The following CTPS2 variants were observed in gnomAD, a reference collection of about 807,000 sequenced individuals.
The protein encoded by CTPS2 is CTP synthase II.
CTPS2 carries 19 observed loss-of-function variants against 46.8 expected under a neutral mutation model. The observed-to-expected ratio is 0.41, with a 90% CI of 0.28 to 0.60. CTPS2 has a LOEUF of 0.60. Ranked by LOEUF, CTPS2 falls within the 20% of genes least tolerant of loss-of-function variation. CTPS2 has a pLI of 0.35. For synonymous variants in CTPS2, 151 were observed against 165.2 expected (o/e 0.91, Z 0.66); for missense variants, 286 against 447.6 (o/e 0.64, Z 3.26).
intron 14 of CTPS2, among the ~76,000 whole-genome samples, chrX:16,631,345 C>T (rs1440448871): frequency 2.9e-5 from 3 of 105,061 alleles, no homozygotes; most frequent in African/African-American, 1.0e-4. Context: ...AAGACTCTGT[C>T]TCAAAAAAAA....
intron 17 of CTPS2, among the ~76,000 whole-genome samples, chrX:16,599,010 C>G (rs777313197): frequency 2.1e-3 from 239 of 111,869 alleles, no homozygotes; most frequent in African/African-American, 7.4e-3. Context: ...ATTCAACAAC[C>G]CTTCATGCTA....
intron 13 of CTPS2, 116 bp from the exon 14 acceptor site, chrX:16,639,359 A>G (rs1179033268): frequency 3.6e-6 from 2 of 563,057 alleles, no homozygotes; most frequent in Non-Finnish European, 3.1e-6. Context: ...AAACTATAAC[A>G]TTTGATCAGT....
At chrX:16,665,001 G>C (rs1040307158) in intron 13 of CTPS2, among the ~76,000 whole-genome samples, 7 of 112,294 alleles carry the variant, frequency 6.2e-5, no homozygotes, top group African/African-American at 2.3e-4. Flanking sequence ...CCTTTCTCCA[G>C]AGAAGACATA....
chrX:16,702,015 G>C (rs887000913), intron 2 of CTPS2, among the ~76,000 whole-genome samples: 3 of 111,049 alleles, frequency 2.7e-5, no homozygotes, highest in African/African-American at 9.8e-5. Flanking sequence ...TATATAAAAA[G>C]GTTTTTTTGG....
intron 1 of CTPS2, among the ~76,000 whole-genome samples, chrX:16,709,590 C>T (rs1251755708): frequency 2.7e-5 from 3 of 110,874 alleles, no homozygotes; most frequent in African/African-American, 9.8e-5. Flanking sequence ...ATGGCTCACG[C>T]CTGTAATCCC....
intron 1 of CTPS2, among the ~76,000 whole-genome samples, chrX:16,707,121 T>G (rs757209110): frequency 8.9e-6 from 1 of 111,768 alleles, no homozygotes; most frequent in East Asian, 2.8e-4. Context: ...ATTTTTAAGT[T>G]GACAGTCATA....
intron 13 of CTPS2, among the ~76,000 whole-genome samples, chrX:16,644,984 T>C (rs1703310456): frequency 1.8e-5 from 2 of 111,541 alleles, no homozygotes; most frequent in Non-Finnish European, 3.8e-5. Flanking sequence ...TCAGTGTTTT[T>C]TGTTTTTTGT....
rs973654968 is a variant in CTPS2 at position 16,629,364 on chromosome X, G to A, written c.1394-9032C>T. On this transcript the variant is annotated intron_variant, in intron 14 of 18. Coordinates refer to ENST00000359276, the MANE Select transcript of CTPS2 (RefSeq NM_175859.3). ...GTGGACCTGGGCTCTGGGGGCAGGC[G>A]GGGAGGCTCGCCAAGTGGTATGCAG... is the stretch of plus-strand genomic sequence containing the variant. Among the ~76,000 whole-genome samples, 31 of 111,900 alleles carry A rather than the reference G, an allele frequency of 2.8e-4. 1 individual carries two copies. Among genetic ancestry groups the A allele is most frequent in the African/African-American group, 1.0e-3 (31 of 30,870 alleles).
At chrX:16,710,821 G>A (rs980535386) in intron 1 of CTPS2, among the ~76,000 whole-genome samples, 7 of 112,126 alleles carry the variant, frequency 6.2e-5, no homozygotes, top group African/African-American at 2.3e-4. Flanking sequence ...GTTTCACCAT[G>A]TTGTCCAGGA....
intron 13 of CTPS2, among the ~76,000 whole-genome samples, chrX:16,662,646 T>TAACTCTGC (rs1932992761): frequency 9.0e-6 from 1 of 110,530 alleles, no homozygotes; most frequent in Admixed American, 9.7e-5. Flanking sequence ...CAAGCTTAAG[T>TAACTCTGC]AACTCTGCAG....
At chrX:16,711,495 A>T (rs1310596282) in intron 1 of CTPS2, 3 of 111,029 alleles carry the variant, frequency 2.7e-5, no homozygotes, top group African/African-American at 9.8e-5. Flanking sequence ...GTAATGTTAG[A>T]CACAAAAGAG....
At chrX:16,650,502 CTAAGA>C (rs949692872) in intron 13 of CTPS2, among the ~76,000 whole-genome samples, 11 of 103,766 alleles carry the variant, frequency 1.1e-4, no homozygotes, top group African/African-American at 3.9e-4. Context: ...AACATACTAT[CTAAGA>C]TGTCTTTTTT....
chrX:16,697,472 G>T (rs775028774), intron 4 of CTPS2, among the ~76,000 whole-genome samples: 3 of 93,778 alleles, frequency 3.2e-5, no homozygotes, highest in African/African-American at 1.2e-4. Context: ...TTAAGACAGG[G>T]TCTGGCTCCA....
At chrX:16,681,104 T>C (rs1285539708) in intron 9 of CTPS2, among the ~76,000 whole-genome samples, 2 of 111,343 alleles carry the variant, frequency 1.8e-5, no homozygotes, top group Non-Finnish European at 3.8e-5. Context: ...GAGAATCACT[T>C]GAACCCAGAA....
intron 14 of CTPS2, among the ~76,000 whole-genome samples, chrX:16,622,396 C>T (rs1413932639): frequency 2.9e-5 from 3 of 102,700 alleles, no homozygotes; most frequent in Non-Finnish European, 5.9e-5. Context: ...GGTGACAGAG[C>T]GAGATGCTGT....
chrX:16,646,644 CTT>C (rs1332813545), intron 13 of CTPS2, among the ~76,000 whole-genome samples: 1 of 112,436 alleles, frequency 8.9e-6, no homozygotes, highest in East Asian at 2.8e-4. Context: ...TTCAAGGTCT[CTT>C]TTAAACTTCA....
At chrX:16,610,169 T>C (rs1280887028) in intron 16 of CTPS2, among the ~76,000 whole-genome samples, 1 of 111,573 alleles carries the variant, frequency 9.0e-6, no homozygotes. Flanking sequence ...ACAATTGCTT[T>C]TCTAGTCACA....
intron 8 of CTPS2, among the ~76,000 whole-genome samples, chrX:16,684,436 G>A (rs368520087): frequency 9.5e-6 from 1 of 105,369 alleles, no homozygotes; most frequent in Admixed American, 1.0e-4. Context: ...TTGAACCCGG[G>A]AGGCAGAGGT....
At chrX:16,604,044 G>A (rs894982998) in intron 17 of CTPS2, among the ~76,000 whole-genome samples, 1 of 111,615 alleles carries the variant, frequency 9.0e-6, no homozygotes, top group African/African-American at 3.3e-5. Flanking sequence ...TTATTACAAA[G>A]TAGTTTCGGC....
Sources: gnomAD v4.1 joint callset for allele counts (sites outside exome capture counted in the v4.1 genomes callset) on GRCh38, gnomAD v4.1.1 for gene constraint, MANE v1.5 for transcripts, NCBI Gene and HGNC (gene_info 2026-07-23, HGNC 2026-07-21) for gene names.